TBC1D32: variants seen among roughly 807,000 people sequenced by gnomAD.
The protein encoded by TBC1D32 is protein broad-minded.
Under a neutral mutation model 170.3 loss-of-function variants are expected in TBC1D32, and 151 were observed. That is an observed-to-expected ratio of 0.89 (90% CI 0.78 to 1.01). The LOEUF is 1.01. Among genes scored for constraint, TBC1D32 ranks in the 50% least tolerant of loss-of-function variants. The probability of loss-of-function intolerance (pLI) is 0.00; values close to 1 mark genes in which losing one functional copy is unlikely to be tolerated. For missense variants in TBC1D32, 1,464 were observed against 1,457.1 expected (o/e 1.00, Z -0.08); for synonymous variants, 498 against 488.0 (o/e 1.02, Z -0.27).
At chr6:121,277,016 G>A (rs1008735286) in intron 15 of TBC1D32, among the ~76,000 whole-genome samples, 1 of 152,086 alleles carries the variant, frequency 6.6e-6, no homozygotes, top group Non-Finnish European at 1.5e-5. Flanking sequence ...ATGTCAGTAA[G>A]GACAAAGTTG....
In TBC1D32 at chr6:121,120,899, C is replaced by T. The variant is rs983678146; in HGVS notation, c.2983+5479G>A. The stretch of plus-strand genomic sequence containing the variant: ...CTCTTAAGTCTCTTTTACCCCTTTC[C>T]CAGGTTTGCATTAGATATCATTATG... On this transcript the variant is annotated intron_variant, in intron 26 of 31. Coordinates refer to ENST00000398212, the MANE Select transcript of TBC1D32 (RefSeq NM_152730.6). Among the ~76,000 whole-genome samples the T allele has an allele frequency of 1.3e-5, 2 of 151,722 alleles. 1 individual carries two copies. The highest frequency in any genetic ancestry group is 1.3e-4 in the Admixed American group (2 of 15,188).
chr6:121,267,192 C>T (rs1800641298), intron 15 of TBC1D32, among the ~76,000 whole-genome samples: 2 of 150,512 alleles, frequency 1.3e-5, no homozygotes, highest in African/African-American at 4.9e-5. Context: ...CAGTCTACAA[C>T]TCCCAGCGTG....
chr6:121,269,839 CA>C (rs1256429851), intron 15 of TBC1D32, among the ~76,000 whole-genome samples: 14 of 152,154 alleles, frequency 9.2e-5, no homozygotes, highest in Admixed American at 8.5e-4. Context: ...GCACTTATTC[CA>C]AAATTGACCA....
chr6:121,180,139 G>A (rs747351280), intron 22 of TBC1D32, among the ~76,000 whole-genome samples: 7 of 151,982 alleles, frequency 4.6e-5, no homozygotes, highest in African/African-American at 9.7e-5. Flanking sequence ...ATTGGAAAAC[G>A]GTATTATGCA....
At chr6:121,276,440 A>C (rs1330036056) in intron 15 of TBC1D32, among the ~76,000 whole-genome samples, 2 of 152,172 alleles carry the variant, frequency 1.3e-5, no homozygotes, top group Non-Finnish European at 2.9e-5. Flanking sequence ...AGTATAATTG[A>C]TATACTAAGA....
chr6:121,169,021 T>G (rs1440408512), intron 22 of TBC1D32, among the ~76,000 whole-genome samples: 1 of 151,892 alleles, frequency 6.6e-6, no homozygotes, highest in Admixed American at 6.6e-5. Flanking sequence ...TCAATGCTAT[T>G]CGTATTAAAC....
At chr6:121,313,967 A>G (rs1183077796) in intron 3 of TBC1D32, among the ~76,000 whole-genome samples, 1 of 152,204 alleles carries the variant, frequency 6.6e-6, no homozygotes, top group East Asian at 1.9e-4. Context: ...AGCATAAAAT[A>G]AATTAGGAAA....
intron 31 of TBC1D32, among the ~76,000 whole-genome samples, chr6:121,083,964 T>C (rs977882631): frequency 1.3e-5 from 2 of 152,154 alleles, no homozygotes; most frequent in Non-Finnish European, 2.9e-5. Flanking sequence ...AGTGGTCTTC[T>C]TGACACTCTC....
chr6:121,162,678 G>A (rs1307392382), intron 22 of TBC1D32, among the ~76,000 whole-genome samples: 1 of 152,158 alleles, frequency 6.6e-6, no homozygotes, highest in Non-Finnish European at 1.5e-5. Flanking sequence ...AGCTTCTTAA[G>A]CTGACAAGCA....
rs569154609 is a variant in TBC1D32 at position 121,191,578 on chromosome 6, A to C, written c.2570+13497T>G. ...GAGACTATAGGAGGCCTGCTCACTT[A>C]CTCTATGTACCAAATTCAGATCTGT... is the stretch of plus-strand genomic sequence containing the variant. On this transcript the variant is annotated intron_variant, in intron 22 of 31. Transcript: ENST00000398212. Among the ~76,000 whole-genome samples the C allele has an allele frequency of 3.4e-5, 5 of 147,658 alleles. No individual in the cohort carries two copies. The East Asian group carries it at 9.7e-4, about 29-fold the overall frequency.
chr6:121,296,001 T>C (rs1805571555), intron 10 of TBC1D32, among the ~76,000 whole-genome samples: 2 of 151,930 alleles, frequency 1.3e-5, no homozygotes, highest in Admixed American at 1.3e-4. Context: ...CTTCTAGGAG[T>C]CTTGGACCCT....
At chr6:121,255,293 A>G (rs745647725) in intron 17 of TBC1D32, 35 bp downstream of exon 17, 2 of 1,261,046 alleles carry the variant, frequency 1.6e-6, no homozygotes, top group Admixed American at 4.4e-5. Context: ...TTCAGCAAAT[A>G]TAATAAATGC....
intron 23 of TBC1D32, 50 bp downstream of exon 23, chr6:121,160,898 T>C: frequency 6.7e-7 from 1 of 1,485,830 alleles, no homozygotes; most frequent in Non-Finnish European, 9.4e-7. Flanking sequence ...CTATCTTGCT[T>C]CAAAATATGT....
intron 22 of TBC1D32, among the ~76,000 whole-genome samples, chr6:121,195,694 T>G (rs950957474): frequency 1.3e-5 from 2 of 152,176 alleles, no homozygotes; most frequent in Non-Finnish European, 2.9e-5. Context: ...GGCCTCATGG[T>G]GAGTTCCCTA....
intron 26 of TBC1D32, among the ~76,000 whole-genome samples, chr6:121,124,986 T>C (rs918415959): frequency 2.6e-5 from 4 of 152,218 alleles, no homozygotes; most frequent in African/African-American, 9.6e-5. Flanking sequence ...TTTAGAAATC[T>C]TTGTGAGATC....
intron 22 of TBC1D32, among the ~76,000 whole-genome samples, chr6:121,193,622 C>T (rs1036838602): frequency 6.6e-6 from 1 of 152,170 alleles, no homozygotes; most frequent in South Asian, 2.1e-4. Context: ...GCAAGGTGGG[C>T]CTAGCTACCG....
At chr6:121,186,001 C>A (rs770528809) in intron 22 of TBC1D32, among the ~76,000 whole-genome samples, 3 of 152,022 alleles carry the variant, frequency 2.0e-5, no homozygotes, top group African/African-American at 7.2e-5. Flanking sequence ...TTCTCTTATA[C>A]CTGTAATACA....
In TBC1D32 at chr6:121,291,776, G is replaced by A. The variant is rs117194341; in HGVS notation, c.1372+277C>T. ...CAAAAGATCACTGCTAGTTTATAAT[G>A]GAATGAGAACTTAAACAAGGTCTTC... On this transcript the variant is annotated intron_variant, in intron 12 of 31. Coordinates refer to ENST00000398212, the MANE Select transcript of TBC1D32 (RefSeq NM_152730.6). Among the ~76,000 whole-genome samples, 799 of 152,014 alleles carry A rather than the reference G, an allele frequency of 5.3e-3. 5 individuals carry two copies. Among genetic ancestry groups the A allele is most frequent in the Middle Eastern group, 0.017 (5 of 294 alleles).
At chr6:121,109,421 T>C (rs1778997957) in intron 29 of TBC1D32, among the ~76,000 whole-genome samples, 1 of 152,190 alleles carries the variant, frequency 6.6e-6, no homozygotes, top group Non-Finnish European at 1.5e-5. Context: ...GGTTTTTATT[T>C]CAGTTTAATT....
Sources: allele counts gnomAD v4.1 joint callset (sites outside exome capture counted in the v4.1 genomes callset), GRCh38; gene constraint gnomAD v4.1.1; transcripts MANE v1.5; gene names NCBI Gene and HGNC (gene_info 2026-07-23, HGNC 2026-07-21).